Variants in PARP8 observed in about 807,000 individuals in gnomAD.
PARP8 encodes the protein protein mono-ADP-ribosyltransferase PARP8.
A neutral mutation model predicts 124.1 loss-of-function variants in PARP8; 51 were observed. The observed-to-expected ratio is 0.41, with a 90% CI of 0.33 to 0.52. PARP8 has a LOEUF of 0.52. PARP8 is among the 20% of genes least tolerant of loss of function. The probability of loss-of-function intolerance (pLI) is 0.21; values close to 1 mark genes in which losing one functional copy is unlikely to be tolerated. For missense variants in PARP8, 860 were observed against 1,018.9 expected, an observed-to-expected ratio of 0.84 and a Z score of 2.12; for synonymous variants, 391 against 361.5, an observed-to-expected ratio of 1.08 and a Z score of -0.93.
intron 2 of PARP8, among the ~76,000 whole-genome samples, chr5:50,718,574 G>A (rs1423448088): frequency 4.6e-5 from 7 of 151,728 alleles, no homozygotes; most frequent in Non-Finnish European, 1.0e-4. Flanking sequence ...TGTAGTCTTT[G>A]CCTTTCTGTG....
intron 14 of PARP8, among the ~76,000 whole-genome samples, chr5:50,809,453 A>G (rs1445391940): frequency 6.6e-6 from 1 of 152,116 alleles, no homozygotes; most frequent in Non-Finnish European, 1.5e-5. Context: ...ACTTCATAAT[A>G]TGCTTCAAAG....
rs1235747014 is a variant in PARP8 at position 50,782,230 on chromosome 5, C to T, written c.670+3580C>T. Among the ~76,000 whole-genome samples the T allele has an allele frequency of 3.3e-5, 5 of 152,164 alleles. No individual in the cohort carries two copies. In the South Asian group the frequency reaches 8.3e-4, roughly 25 times the overall value. ...CCCCTTAAGATTGATTCCATCTGCTCTGTTTGTGCAAAATTTGCTGGGCAT... is the reference window on the plus strand; with the variant it reads ...CCCCTTAAGATTGATTCCATCTGCTTTGTTTGTGCAAAATTTGCTGGGCAT... On this transcript the variant is annotated intron_variant, in intron 9 of 25. Coordinates refer to ENST00000281631, the MANE Select transcript of PARP8 (RefSeq NM_024615.4).
intron 3 of PARP8, among the ~76,000 whole-genome samples, chr5:50,751,650 G>A (rs1413303688): frequency 1.3e-5 from 2 of 152,052 alleles, no homozygotes; most frequent in East Asian, 3.9e-4. Context: ...CTGTAGGAAA[G>A]GCAGAACAGG....
At chr5:50,824,769 T>C (rs1309207323) in intron 17 of PARP8, 139 bp from the exon 18 acceptor site, 1 of 647,082 alleles carries the variant, frequency 1.5e-6, no homozygotes, top group Non-Finnish European at 2.8e-6. Context: ...ACTAGGGCAA[T>C]TGTTGTTGTT....
At chr5:50,700,936 A>G (rs970327980) in intron 2 of PARP8, among the ~76,000 whole-genome samples, 2 of 152,132 alleles carry the variant, frequency 1.3e-5, no homozygotes, top group Non-Finnish European at 1.5e-5. Flanking sequence ...CTCCAGATCC[A>G]TCTGAGTACC....
In PARP8 at chr5:50,795,382, C is replaced by G; in HGVS notation, c.1393C>G (p.Leu465Val). ...LSLTSGLIGI[L>V]TPSSSSSSQL... Reference sequence around the variant, plus strand: ...TCTTACCTCAGGGCTTATTGGTATCCTAACACCATCTTCATCTTCATCTTC... The same window carrying G: ...TCTTACCTCAGGGCTTATTGGTATCGTAACACCATCTTCATCTTCATCTTC... The change falls in exon 12 of 26, where the codon CTA (leucine) becomes GTA (valine). Residue 465 changes from leucine to valine, a missense_variant. By Grantham distance (32) the Leu-to-Val change is conservative. This residue lies in a region of PARP8 where 343 missense variants were observed against 474.7 expected (regional missense o/e 0.72). Coordinates refer to ENST00000281631, the MANE Select transcript of PARP8 (RefSeq NM_024615.4). The G allele has an allele frequency of 3.1e-6, 5 of 1,603,192 alleles. No individual in the cohort carries two copies. The highest frequency in any genetic ancestry group is 4.2e-6 in the Non-Finnish European group (5 of 1,176,750).
intron 14 of PARP8, among the ~76,000 whole-genome samples, chr5:50,813,066 A>G (rs1486342258): frequency 1.3e-5 from 2 of 152,080 alleles, no homozygotes; most frequent in African/African-American, 4.8e-5. Flanking sequence ...GGATTGTCTT[A>G]ACAATGTGGG....
chr5:50,736,174 G>T (rs111721906), intron 2 of PARP8, among the ~76,000 whole-genome samples: 2 of 152,092 alleles, frequency 1.3e-5, no homozygotes, highest in African/African-American at 2.4e-5. Flanking sequence ...CCCTGCAAAA[G>T]AAGTTAAAAT....
At chr5:50,738,268 G>A (rs1242253858) in intron 2 of PARP8, among the ~76,000 whole-genome samples, 1 of 152,136 alleles carries the variant, frequency 6.6e-6, no homozygotes, top group Non-Finnish European at 1.5e-5. Context: ...TGAAGAAAAT[G>A]ATTTTATCTT....
intron 9 of PARP8, among the ~76,000 whole-genome samples, chr5:50,786,525 T>G (rs1476114605): frequency 6.6e-6 from 1 of 150,960 alleles, no homozygotes; most frequent in Non-Finnish European, 1.5e-5. Flanking sequence ...CCACCATGCC[T>G]GGCTAATTTT....
In PARP8 at chr5:50,755,042, G is replaced by A. The variant is rs1030601698; in HGVS notation, c.185-4601G>A. Among the ~76,000 whole-genome samples the A allele has an allele frequency of 9.2e-5, 14 of 152,000 alleles. 1 individual carries two copies. The highest frequency in any genetic ancestry group is 3.4e-3 in the Middle Eastern group (1 of 294). On this transcript the variant is annotated intron_variant, in intron 3 of 25. Coordinates refer to ENST00000281631, the MANE Select transcript of PARP8 (RefSeq NM_024615.4). The stretch of plus-strand genomic sequence containing the variant: ...TTTTTGATGGGGTTGTTTTTTTCTT[G>A]TACATTTGTTGGAGTTCTTTGTAGA...
At chr5:50,830,300 A>G (rs571063282) in intron 22 of PARP8, among the ~76,000 whole-genome samples, 10 of 152,312 alleles carry the variant, frequency 6.6e-5, no homozygotes, top group Non-Finnish European at 1.5e-4. Context: ...GTGTAATTCT[A>G]TATCATGCTA....
chr5:50,733,012 G>C (rs1171100265), intron 2 of PARP8, among the ~76,000 whole-genome samples: 1 of 151,810 alleles, frequency 6.6e-6, no homozygotes, highest in Admixed American at 6.6e-5. Flanking sequence ...CATTAAAAAT[G>C]GGTGAAAGGC....
intron 15 of PARP8, among the ~76,000 whole-genome samples, chr5:50,819,877 G>A (rs1199437406): frequency 1.3e-5 from 2 of 152,080 alleles, no homozygotes; most frequent in Non-Finnish European, 2.9e-5. Context: ...GAGGGTGGGA[G>A]AGGAAGACAA....
chr5:50,753,258 G>A (rs945707199), intron 3 of PARP8, among the ~76,000 whole-genome samples: 2 of 151,920 alleles, frequency 1.3e-5, no homozygotes, highest in African/African-American at 4.8e-5. Flanking sequence ...CTTACCTACT[G>A]TTGGGAGTGG....
chr5:50,718,270 A>G (rs1755520634), intron 2 of PARP8, among the ~76,000 whole-genome samples: 1 of 152,216 alleles, frequency 6.6e-6, no homozygotes, highest in Non-Finnish European at 1.5e-5. Flanking sequence ...TTGATAAAAC[A>G]ATTTTAGTGT....
intron 2 of PARP8, among the ~76,000 whole-genome samples, chr5:50,676,261 A>T (rs1422085556): frequency 1.3e-5 from 2 of 152,206 alleles, no homozygotes; most frequent in Non-Finnish European, 2.9e-5. Flanking sequence ...TAGAAATGGA[A>T]ATTACTGATT....
Position 50,797,469 on chromosome 5 carries a change from C to A in PARP8, c.1575+236C>A, listed in dbSNP as rs189822051. ...ATATTTTTTACATATGTTTATCTAACAGCTATTTATCCATCTACACCTATA... is the reference window on the plus strand; with the variant it reads ...ATATTTTTTACATATGTTTATCTAAAAGCTATTTATCCATCTACACCTATA... On this transcript the variant is annotated intron_variant, in intron 14 of 25. Transcript: ENST00000281631. Among the ~76,000 whole-genome samples the A allele has an allele frequency of 2.7e-3, 412 of 152,140 alleles. 1 individual carries two copies. The highest frequency in any genetic ancestry group is 9.5e-3 in the African/African-American group (393 of 41,502).
At chr5:50,807,220 ACT>A (rs1000287475) in intron 14 of PARP8, among the ~76,000 whole-genome samples, 2 of 151,826 alleles carry the variant, frequency 1.3e-5, no homozygotes, top group Admixed American at 6.6e-5. Flanking sequence ...AGCATGTCGC[ACT>A]CTCTGCAATA....
Sources: allele counts gnomAD v4.1 joint callset (sites outside exome capture counted in the v4.1 genomes callset), GRCh38; gene constraint gnomAD v4.1.1; regional missense constraint gnomAD v4.1.1; transcripts MANE v1.5; gene names NCBI Gene and HGNC (gene_info 2026-07-23, HGNC 2026-07-21).